The following LPA variants were observed in gnomAD, a reference collection of about 807,000 sequenced individuals.
LPA encodes lipoprotein(a).
A neutral mutation model predicts 197.9 loss-of-function variants in LPA; 199 were observed. That is an observed-to-expected ratio of 1.01 (90% confidence interval 0.90 to 1.13). LPA has a LOEUF of 1.13. Among genes scored for constraint, LPA ranks in the 50% most tolerant of loss-of-function variants. The pLI is 0.00. For missense variants in LPA, 1,853 were observed against 1,785.8 expected, an observed-to-expected ratio of 1.04 and a Z score of -0.68; for synonymous variants, 715 against 639.5, an observed-to-expected ratio of 1.12 and a Z score of -1.78.
chr6:160,601,591 C>T (rs745994427), intron 18 of LPA, among the ~76,000 whole-genome samples: 2 of 152,206 alleles, frequency 1.3e-5, no homozygotes, highest in South Asian at 2.1e-4. Context: ...GCATGATATC[C>T]TTCCCAGGCC....
intron 33 of LPA, among the ~76,000 whole-genome samples, chr6:160,544,420 C>T (rs1778030813): frequency 6.6e-6 from 1 of 152,168 alleles, no homozygotes; most frequent in Non-Finnish European, 1.5e-5. Flanking sequence ...CCAGAGACCA[C>T]AATGCCACAT....
chr6:160,568,452 A>G (rs907548754), intron 28 of LPA, among the ~76,000 whole-genome samples: 1 of 152,246 alleles, frequency 6.6e-6, no homozygotes, highest in Non-Finnish European at 1.5e-5. Flanking sequence ...TCCATGCTGA[A>G]CTCTCAATAA....
rs959352674 is a variant in LPA at position 160,586,333 on chromosome 6, C to A, written c.4129+116G>T. On this transcript the variant is annotated intron_variant, in intron 25 of 38. Transcript: ENST00000316300. Reference sequence around the variant, plus strand: ...TGAAGCTTCCTTCCCATTGGCTGTCCATGACTTCACCTTCGACTTCCTGTG... The same window carrying A: ...TGAAGCTTCCTTCCCATTGGCTGTCAATGACTTCACCTTCGACTTCCTGTG... The A allele has an allele frequency of 1.1e-5, 14 of 1,258,814 alleles. No homozygotes were observed. The African/African-American group carries it at 1.9e-4, about 17-fold the overall frequency. 78.0% of individuals were successfully genotyped at this position (1,258,814 alleles called of 1,614,324 possible). A position where few individuals can be genotyped will look rare whatever the true frequency, so the allele number is the denominator to read the frequency against.
chr6:160,657,197 A>G (rs999949752), intron 1 of LPA, among the ~76,000 whole-genome samples: 13 of 152,130 alleles, frequency 8.5e-5, no homozygotes, highest in African/African-American at 3.1e-4. Flanking sequence ...TCTATTTCAC[A>G]AAGCTTCGGC....
chr6:160,580,058 C>A lies in LPA; in HGVS notation c.4290-1354G>T, dbSNP rs1309862618. 2.6e-5 allele frequency among the ~76,000 whole-genome samples: 4 copies of A among 152,150 alleles called. No homozygotes were observed. In the East Asian group the frequency reaches 7.7e-4, roughly 29 times the overall value. ...AATCTCTGCTACCCTCTTCCCACGG[C>A]CAGTGTCAAATGCTATTGGTTTCTT... is the stretch of plus-strand genomic sequence containing the variant. On this transcript the variant is annotated intron_variant, in intron 26 of 38. Coordinates refer to ENST00000316300, the MANE Select transcript of LPA (RefSeq NM_005577.4).
At chr6:160,585,457 G>A (rs977300429) in intron 25 of LPA, among the ~76,000 whole-genome samples, 9 of 152,134 alleles carry the variant, frequency 5.9e-5, no homozygotes, top group Middle Eastern at 3.2e-3. Context: ...ACAGATCAGA[G>A]TGCCTATACT....
chr6:160,605,151 C>A lies in LPA; in HGVS notation c.2840G>T (p.Ser947Ile). ...VQECYHGNGQSYQGTYFITVT... is the reference protein window; with the variant it reads ...VQECYHGNGQIYQGTYFITVT... ...AGTAATGAAGTATGTGCCTTGATAA[C>A]TCTGTCCATTTCCGTGGTAGCACTC... is the stretch of plus-strand genomic sequence containing the variant. The change falls in exon 18 of 39, where the codon AGT (serine) becomes ATT (isoleucine). Residue 947 changes from serine (S) to isoleucine (I), a missense_variant. Around this residue, in one of 3 missense-constraint regions of LPA, gnomAD observed 1,737 missense variants for 1,504.4 expected, o/e 1.15. Transcript: ENST00000316300. The A allele has an allele frequency of 1.9e-6, 3 of 1,614,014 alleles. No homozygotes were observed. Among genetic ancestry groups the A allele is most frequent in the Non-Finnish European group, 2.5e-6 (3 of 1,179,884 alleles).
At chr6:160,648,894 G>A (rs1779954073) in intron 2 of LPA, among the ~76,000 whole-genome samples, 1 of 151,830 alleles carries the variant, frequency 6.6e-6, no homozygotes, top group East Asian at 1.9e-4. Context: ...GTCTCTTCTG[G>A]GTCTGTTTGT....
In LPA at chr6:160,606,480, G is replaced by C. The variant is rs200802664; in HGVS notation, c.2782C>G (p.Gln928Glu). Residue 928 changes from glutamine (Q) to glutamate (E), a missense_variant, in exon 17 of 39, where the codon CAA becomes GAA. By Grantham distance (29) the Gln-to-Glu change is conservative (BLOSUM62 2). Coordinates refer to ENST00000316300, the MANE Select transcript of LPA (RefSeq NM_005577.4). ...PIPSLEAPSE[Q>E]APTEQRPGVQ... ...TTTCTGGCCACAGGCTCCTTACCTT[G>C]TTCAGAAGGAGCCTCTAGGCTTGGA... 134 of 1,613,352 alleles carry C rather than the reference G, an allele frequency of 8.3e-5. No individual in the cohort carries two copies. The African/African-American group carries it at 1.7e-3, about 21-fold the overall frequency.
At chr6:160,568,572 G>A (rs1401276884) in intron 28 of LPA, among the ~76,000 whole-genome samples, 2 of 152,132 alleles carry the variant, frequency 1.3e-5, no homozygotes, top group Non-Finnish European at 2.9e-5. Flanking sequence ...TTTGAAAACT[G>A]GCACAAGACA....
chr6:160,548,360 G>A (rs969800525), intron 31 of LPA, 118 bp downstream of exon 31: 6 of 1,021,058 alleles, frequency 5.9e-6, no homozygotes, highest in Non-Finnish European at 7.4e-6. Flanking sequence ...ACCAACACTC[G>A]AGCTCCCGTG....
At chr6:160,651,842 A>G (rs1013039538) in intron 1 of LPA, among the ~76,000 whole-genome samples, 5 of 152,224 alleles carry the variant, frequency 3.3e-5, no homozygotes, top group Admixed American at 2.0e-4. Flanking sequence ...GATGGAAACT[A>G]TAGAAAAGAG....
chr6:160,532,777 C>T (rs1777826802), intron 37 of LPA, 128 bp from the exon 38 acceptor site: 3 of 733,272 alleles, frequency 4.1e-6, no homozygotes, highest in South Asian at 1.4e-5. Context: ...CAAGGCAGCT[C>T]CCAATGCCAC....
Position 160,605,258 on chromosome 6 carries a change from A to T in LPA, c.2786-53T>A. The T allele has an allele frequency of 3.1e-6, 5 of 1,601,766 alleles. 1 individual carries two copies. In the South Asian group the frequency reaches 3.3e-5, roughly 11 times the overall value. On this transcript the variant is annotated intron_variant, in intron 17 of 38. Transcript: ENST00000316300. ...TGAGTGTTTCCAAGAAGAGACAAAC[A>T]TGTGAAGCCACTTATGGCACAAACC...
chr6:160,538,858 C>T (rs1386745795), intron 36 of LPA, among the ~76,000 whole-genome samples: 1 of 152,186 alleles, frequency 6.6e-6, no homozygotes, highest in Non-Finnish European at 1.5e-5. Context: ...GCCTCCAAAA[C>T]CCCACATTTC....
In LPA at chr6:160,611,609, A is replaced by C; in HGVS notation, c.2556T>G (p.Ser852=). ...VTGRTCQAWS[S]MTPHSHSRTP... Reference sequence around the variant, plus strand: ...TCCGACTATGCGAGTGTGGTGTCATAGATGACCAAGCTTGGCAGGTTCTTC... The same window carrying C: ...TCCGACTATGCGAGTGTGGTGTCATCGATGACCAAGCTTGGCAGGTTCTTC... The change falls in exon 16 of 39, where the codon TCT becomes TCG. Residue 852 remains serine, a synonymous_variant. Coordinates refer to ENST00000316300, the MANE Select transcript of LPA (RefSeq NM_005577.4). The C allele has an allele frequency of 6.2e-7, 1 of 1,600,366 alleles. No individual in the cohort carries two copies. The highest frequency in any genetic ancestry group is 8.5e-7 in the Non-Finnish European group (1 of 1,177,454).
intron 24 of LPA, among the ~76,000 whole-genome samples, chr6:160,588,777 C>T (rs1436406389): frequency 6.6e-6 from 1 of 152,138 alleles, no homozygotes; most frequent in Non-Finnish European, 1.5e-5. Context: ...ATCTGCTTGT[C>T]CTTCAATCCA....
chr6:160,660,478 A>G (rs996302667), intron 1 of LPA, among the ~76,000 whole-genome samples: 2 of 152,010 alleles, frequency 1.3e-5, no homozygotes, highest in African/African-American at 4.8e-5. Flanking sequence ...AGAATAAATC[A>G]TGTTTGCTCT....
intron 2 of LPA, 54 bp downstream of exon 2, chr6:160,650,284 T>C (rs972802409): frequency 1.3e-6 from 2 of 1,597,588 alleles, no homozygotes; most frequent in Non-Finnish European, 1.7e-6. Flanking sequence ...ACACCTTTTC[T>C]AAGACAAATT....
Sources: allele counts gnomAD v4.1 joint callset (sites outside exome capture counted in the v4.1 genomes callset), GRCh38; gene constraint gnomAD v4.1.1; regional missense constraint gnomAD v4.1.1; transcripts MANE v1.5; gene names NCBI Gene and HGNC (gene_info 2026-07-23, HGNC 2026-07-21).